The following AGBL1 variants were observed in gnomAD, a reference collection of about 807,000 sequenced individuals.
AGBL1 encodes cytosolic carboxypeptidase 4.
In AGBL1, 130 loss-of-function variants were observed where a neutral mutation model predicts 118.9. That is an observed-to-expected ratio of 1.09 (90% CI 0.95 to 1.26). The LOEUF is 1.26. Ranked by LOEUF, AGBL1 falls within the 50% of genes most tolerant of loss-of-function variation. The pLI is 0.00. For synonymous variants in AGBL1, 555 were observed against 478.9 expected, an observed-to-expected ratio of 1.16 and a Z score of -2.08; for missense variants, 1,584 against 1,298.1, an observed-to-expected ratio of 1.22 and a Z score of -3.38.
chr15:86,602,101 CTCT>C (rs1397873860), intron 21 of AGBL1, among the ~76,000 whole-genome samples: 1 of 152,026 alleles, frequency 6.6e-6, no homozygotes, highest in African/African-American at 2.4e-5. Flanking sequence ...CTTCTTCCCT[CTCT>C]TCTTTACTCT....
intron 5 of AGBL1, among the ~76,000 whole-genome samples, chr15:86,203,408 T>C (rs2077939130): frequency 6.6e-6 from 1 of 152,244 alleles, no homozygotes; most frequent in Non-Finnish European, 1.5e-5. Context: ...GGCTAGTTTC[T>C]AAGGTCATTG....
At chr15:87,005,100 T>C (rs2081484661) in intron 24 of AGBL1, among the ~76,000 whole-genome samples, 2 of 152,318 alleles carry the variant, frequency 1.3e-5, no homozygotes, top group East Asian at 1.9e-4. Context: ...TAATCTGACC[T>C]TTCTCTCTGG....
chr15:86,093,487 A>C (rs1055678000), intron 1 of AGBL1, among the ~76,000 whole-genome samples: 1 of 152,190 alleles, frequency 6.6e-6, no homozygotes, highest in Non-Finnish European at 1.5e-5. Flanking sequence ...CATAGAATGT[A>C]AGAGAACTGG....
chr15:86,817,292 G>GAA (rs1214679240), intron 22 of AGBL1, among the ~76,000 whole-genome samples: 1,229 of 92,350 alleles, frequency 0.013, 19 homozygotes, highest in Middle Eastern at 0.041. Flanking sequence ...AACTCCATCT[G>GAA]GAAAAAAAAA....
At chr15:86,723,382 G>A (rs370886358) in intron 22 of AGBL1, among the ~76,000 whole-genome samples, 37 of 152,186 alleles carry the variant, frequency 2.4e-4, no homozygotes, top group East Asian at 9.7e-4. Context: ...GGAAACCATC[G>A]TTCTCAGCAA....
intron 17 of AGBL1, among the ~76,000 whole-genome samples, chr15:86,365,134 A>G (rs1429369666): frequency 6.6e-6 from 1 of 151,864 alleles, no homozygotes; most frequent in Non-Finnish European, 1.5e-5. Flanking sequence ...GAGGAAAAGA[A>G]AAGTCTATTT....
At chr15:86,408,905 G>A (rs1252974670) in intron 18 of AGBL1, among the ~76,000 whole-genome samples, 1 of 152,044 alleles carries the variant, frequency 6.6e-6, no homozygotes, top group Non-Finnish European at 1.5e-5. Context: ...AAAAGTAGGG[G>A]TGGAGGTCTC....
intron 21 of AGBL1, among the ~76,000 whole-genome samples, chr15:86,634,421 A>T (rs1275916603): frequency 6.6e-6 from 1 of 152,216 alleles, no homozygotes; most frequent in African/African-American, 2.4e-5. Context: ...GATGAAGCTT[A>T]AAAACATTGC....
intron 19 of AGBL1, among the ~76,000 whole-genome samples, chr15:86,529,942 A>G (rs2083325872): frequency 1.4e-5 from 2 of 138,508 alleles, no homozygotes; most frequent in Admixed American, 1.4e-4. Flanking sequence ...CTGCCCTAAA[A>G]GAGCTCCTGA....
chr15:86,093,847 T>C (rs915966161), intron 1 of AGBL1, among the ~76,000 whole-genome samples: 1 of 152,126 alleles, frequency 6.6e-6, no homozygotes, highest in African/African-American at 2.4e-5. Context: ...AGCAACAATA[T>C]TTAAAGAGAC....
intron 24 of AGBL1, among the ~76,000 whole-genome samples, chr15:87,006,052 G>C (rs912030410): frequency 6.6e-6 from 1 of 152,158 alleles, no homozygotes. Flanking sequence ...CTTTCCTCTG[G>C]AGGTTTTGTC....
chr15:86,111,933 G>A (rs1897411288), intron 1 of AGBL1, among the ~76,000 whole-genome samples: 1 of 152,106 alleles, frequency 6.6e-6, no homozygotes, highest in South Asian at 2.1e-4. Context: ...GATTCTCATA[G>A]GAGCACGAGC....
chr15:86,121,962 G>A (rs1344741177), intron 1 of AGBL1, among the ~76,000 whole-genome samples: 1 of 152,164 alleles, frequency 6.6e-6, no homozygotes, highest in Non-Finnish European at 1.5e-5. Flanking sequence ...AAACTTAAGG[G>A]AAAGAAAGCC....
At chr15:86,227,777 AG>A (rs1205417436) in intron 6 of AGBL1, among the ~76,000 whole-genome samples, 2 of 152,242 alleles carry the variant, frequency 1.3e-5, no homozygotes. Context: ...GGTTCATAAG[AG>A]GTAAGAACAC....
chr15:86,086,246 T>A (rs2141447675), intron 1 of AGBL1: 1 of 152,304 alleles, frequency 6.6e-6, no homozygotes, highest in East Asian at 1.9e-4. Context: ...CGGTTATCAA[T>A]TACTGTATCT....
chr15:86,452,421 C>T (rs2082205618), intron 18 of AGBL1, among the ~76,000 whole-genome samples: 1 of 152,146 alleles, frequency 6.6e-6, no homozygotes, highest in Non-Finnish European at 1.5e-5. Context: ...CTGAATATTC[C>T]CTTATGACAC....
At chr15:86,946,836 C>T (rs12594751) in intron 23 of AGBL1, among the ~76,000 whole-genome samples, 60,360 of 117,740 alleles carry the variant, frequency 0.51, 16,420 homozygotes, top group Non-Finnish European at 0.63. Flanking sequence ...GAGAGTGAAA[C>T]TCGGTCCAAA....
At chr15:86,746,268 C>A (rs1049762413) in intron 22 of AGBL1, among the ~76,000 whole-genome samples, 2 of 152,090 alleles carry the variant, frequency 1.3e-5, no homozygotes, top group Non-Finnish European at 2.9e-5. Context: ...GTTTCTTGTT[C>A]TGTAAACCCA....
At chr15:86,480,090 G>T (rs1302754874) in intron 18 of AGBL1, among the ~76,000 whole-genome samples, 1 of 151,912 alleles carries the variant, frequency 6.6e-6, no homozygotes, top group Non-Finnish European at 1.5e-5. Context: ...CTGTTGTGGG[G>T]TGGGGAGAGG....
Sources: allele counts gnomAD v4.1 joint callset (sites outside exome capture counted in the v4.1 genomes callset), GRCh38; gene constraint gnomAD v4.1.1; transcripts MANE v1.5; gene names NCBI Gene and HGNC (gene_info 2026-07-23, HGNC 2026-07-21).